Variants in F5 observed in about 807,000 individuals in gnomAD.
F5 encodes the protein coagulation factor V.
Under a neutral mutation model 216.4 loss-of-function variants are expected in F5, and 138 were observed. That is an observed-to-expected ratio of 0.64 (90% CI 0.56 to 0.73). F5 has a LOEUF of 0.73. F5 is among the 30% of genes least tolerant of loss of function. The pLI is 0.00. For missense variants in F5, 2,403 were observed against 2,674.0 expected, an observed-to-expected ratio of 0.90 and a Z score of 2.24; for synonymous variants, 916 against 930.7, an observed-to-expected ratio of 0.98 and a Z score of 0.29.
At chr1:169,548,476 C>G (rs1243637508) in intron 10 of F5, among the ~76,000 whole-genome samples, 1 of 152,174 alleles carries the variant, frequency 6.6e-6, no homozygotes, top group Admixed American at 6.5e-5. Context: ...CCATATAATT[C>G]AGGCATTTAT....
chr1:169,555,402 T>C (rs1660297044), intron 6 of F5, 55 bp from the exon 7 acceptor site: 33 of 1,535,088 alleles, frequency 2.1e-5, no homozygotes, highest in South Asian at 6.7e-5. Context: ...TTATGGTTGA[T>C]TGAAATGCAT....
chr1:169,558,424 C>T (rs181642939), intron 5 of F5, among the ~76,000 whole-genome samples: 62 of 152,268 alleles, frequency 4.1e-4, no homozygotes, highest in Admixed American at 1.8e-3. Flanking sequence ...GTAAGTGAAG[C>T]TATTTGTGAT....
In F5 at chr1:169,566,190, A is replaced by T. The variant is rs188044312; in HGVS notation, c.374-5424T>A. On this transcript the variant is annotated intron_variant, in intron 3 of 24. Coordinates refer to ENST00000367797, the MANE Select transcript of F5 (RefSeq NM_000130.5). Reference sequence around the variant, plus strand: ...GAATCAAGCATGACAGCCCTTCTTCAATGCTTCTTGCTACATGGCCTCATA... The same window carrying T: ...GAATCAAGCATGACAGCCCTTCTTCTATGCTTCTTGCTACATGGCCTCATA... Among the ~76,000 whole-genome samples the T allele has an allele frequency of 9.2e-5, 14 of 152,194 alleles. No homozygotes were observed. In the East Asian group the frequency reaches 2.7e-3, roughly 29 times the overall value.
At chr1:169,533,218 A>G (rs925745950) in intron 14 of F5, among the ~76,000 whole-genome samples, 3 of 152,176 alleles carry the variant, frequency 2.0e-5, no homozygotes, top group East Asian at 1.9e-4. Context: ...CTGAACCCCA[A>G]TGAATCCAAT....
intron 19 of F5, among the ~76,000 whole-genome samples, chr1:169,524,554 AC>A (rs1039142489): frequency 3.3e-5 from 5 of 151,792 alleles, no homozygotes; most frequent in African/African-American, 1.2e-4. Flanking sequence ...GAAATCAATG[AC>A]CCCCAGCTAT....
chr1:169,550,914 A>C (rs921972948), intron 8 of F5, among the ~76,000 whole-genome samples, 175 bp from the exon 9 acceptor site: 1 of 152,168 alleles, frequency 6.6e-6, no homozygotes, highest in Non-Finnish European at 1.5e-5. Flanking sequence ...ACTTGGCAGG[A>C]GCATTGGAGA....
At chr1:169,566,531 G>A (rs12403625) in intron 3 of F5, among the ~76,000 whole-genome samples, 41,421 of 151,696 alleles carry the variant, frequency 0.27, 5,990 homozygotes, top group South Asian at 0.36. Flanking sequence ...TTGTAATTCA[G>A]TATTTGTGAG....
chr1:169,566,812 C>T (rs1660612209), intron 3 of F5, among the ~76,000 whole-genome samples: 1 of 151,900 alleles, frequency 6.6e-6, no homozygotes, highest in Admixed American at 6.6e-5. Flanking sequence ...GCTCTGATAG[C>T]CTGTGGGAAT....
chr1:169,531,706 G>A (rs1375786965), intron 14 of F5, among the ~76,000 whole-genome samples: 2 of 152,000 alleles, frequency 1.3e-5, no homozygotes, highest in Non-Finnish European at 2.9e-5. Context: ...AAAGGAGCAG[G>A]TTGGGGCCAG....
chr1:169,570,435 G>T (rs987887163), intron 3 of F5, among the ~76,000 whole-genome samples: 2 of 152,150 alleles, frequency 1.3e-5, no homozygotes, highest in African/African-American at 4.8e-5. Flanking sequence ...AGTAGGTGAA[G>T]TGGTTGTTCA....
Position 169,557,321 on chromosome 1 carries a change from T to A in F5, c.731-454A>T, listed in dbSNP as rs143945610. ...GGAGTCAAATCACCAGAACCGCCAA[T>A]AGGGCTGAGTTCAAGCACTTAATCC... On this transcript the variant is annotated intron_variant, in intron 5 of 24. Coordinates refer to ENST00000367797, the MANE Select transcript of F5 (RefSeq NM_000130.5). 5.1e-4 allele frequency among the ~76,000 whole-genome samples: 78 copies of A among 152,308 alleles called. No homozygotes were observed. The East Asian group carries it at 0.011, about 21-fold the overall frequency.
At position 169,528,050 on chromosome 1, in the gene F5, C is replaced by T. The variant is rs1659501483; in HGVS notation, c.5464G>A (p.Glu1822Lys). The T allele has an allele frequency of 6.2e-7, 1 of 1,613,790 alleles. No individual in the cohort carries two copies. The highest frequency in any genetic ancestry group is 8.5e-7 in the Non-Finnish European group (1 of 1,179,860). Residue 1822 changes from glutamate to lysine, a missense_variant, in exon 17 of 25, where the codon GAG (glutamate) becomes AAG (lysine). Around this residue, in one of 4 missense-constraint regions of F5, gnomAD observed 659 missense variants for 787.9 expected, o/e 0.84. Coordinates refer to ENST00000367797, the MANE Select transcript of F5 (RefSeq NM_000130.5). Reference sequence around the variant, plus strand: ...AGGTGTAACCTCACCCACTCTTGCTCATACATTTTCAGGCCAGGCAAGCTG... The same window carrying T: ...AGGTGTAACCTCACCCACTCTTGCTTATACATTTTCAGGCCAGGCAAGCTG... ...IYSLPGLKMYEQEWVRLHLLN... is the reference protein window; with the variant it reads ...IYSLPGLKMYKQEWVRLHLLN...
intron 17 of F5, among the ~76,000 whole-genome samples, chr1:169,526,356 TATC>T (rs2101808610): frequency 6.6e-6 from 1 of 152,326 alleles, no homozygotes; most frequent in South Asian, 2.1e-4. Context: ...GCTTCAAAAA[TATC>T]ATACATGTTT....
chr1:169,544,296 C>G lies in F5; in HGVS notation c.1975G>C (p.Gly659Arg), dbSNP rs759167620. 1 of 1,613,520 alleles carries G rather than the reference C, an allele frequency of 6.2e-7. No homozygotes were observed. Among genetic ancestry groups the G allele is most frequent in the Non-Finnish European group, 8.5e-7 (1 of 1,179,652 alleles). ...TGTGAGTGTCCAGACTCTTACTCAC[C>G]AACATTATCCATTGTGACCGTCACA... is the stretch of plus-strand genomic sequence containing the variant. ...ESVTVTMDNV[G>R]TWMLTSMNSS... is the part of the protein sequence containing the mutation. Residue 659 changes from glycine to arginine, a missense_variant and splice_region_variant, in exon 12 of 25, where the codon GGA becomes CGA. Gly to Arg is a moderately radical substitution (Grantham distance 125, BLOSUM62 -2). This residue lies in a region of F5 where 1,425 missense variants were observed against 1,554.8 expected (regional missense o/e 0.92). Coordinates refer to ENST00000367797, the MANE Select transcript of F5 (RefSeq NM_000130.5).
chr1:169,520,186 G>C (rs1038716219), intron 22 of F5, among the ~76,000 whole-genome samples: 4 of 152,194 alleles, frequency 2.6e-5, no homozygotes, highest in Non-Finnish European at 4.4e-5. Flanking sequence ...GAGGACTTTG[G>C]AAGAGTCAGG....
intron 3 of F5, among the ~76,000 whole-genome samples, chr1:169,567,895 G>T (rs1660644667): frequency 6.6e-6 from 1 of 152,042 alleles, no homozygotes; most frequent in African/African-American, 2.4e-5. Flanking sequence ...CTGTCAATCT[G>T]GAATGAGAAC....
chr1:169,543,081 G>C lies in F5; in HGVS notation c.2009C>G (p.Pro670Arg), dbSNP rs141277663. The C allele has an allele frequency of 6.7e-5, 108 of 1,613,766 alleles. 1 individual carries two copies. Among genetic ancestry groups the C allele is most frequent in the Admixed American group, 3.2e-4 (19 of 59,996 alleles). ...TWMLTSMNSS[P>R]RSKKLRLKFR... ...TTTCAGCCTCAGCTTTTTGCTTCTT[G>C]GACTAGAATTCATGGAAGTTAACAT... The change falls in exon 13 of 25, where the codon CCA becomes CGA. Residue 670 changes from proline (P) to arginine (R), a missense_variant. Around this residue, in one of 4 missense-constraint regions of F5, gnomAD observed 1,425 missense variants for 1,554.8 expected, o/e 0.92. Transcript: ENST00000367797.
At chr1:169,565,733 C>G (rs1171065811) in intron 3 of F5, among the ~76,000 whole-genome samples, 1 of 152,030 alleles carries the variant, frequency 6.6e-6, no homozygotes, top group Non-Finnish European at 1.5e-5. Context: ...TCAGTTCTTA[C>G]TGGACCAATT....
intron 4 of F5, 137 bp downstream of exon 4, chr1:169,560,417 A>G: frequency 1.3e-6 from 1 of 775,306 alleles, no homozygotes; most frequent in Non-Finnish European, 2.2e-6. Context: ...TTGTCAAACA[A>G]TGATCTGGTC....
Sources: gnomAD v4.1 joint callset for allele counts (sites outside exome capture counted in the v4.1 genomes callset) on GRCh38, gnomAD v4.1.1 for gene constraint, gnomAD v4.1.1 regional missense constraint, MANE v1.5 for transcripts, NCBI Gene and HGNC (gene_info 2026-07-23, HGNC 2026-07-21) for gene names.